TPGS2: variants seen among roughly 807,000 people sequenced by gnomAD.
TPGS2 encodes polyglutamylase subunit 2.
In TPGS2, 26 loss-of-function variants were observed where a neutral mutation model predicts 31.1. The observed-to-expected ratio is 0.84, with a 90% CI of 0.61 to 1.16. The LOEUF is 1.16. TPGS2 is among the 50% of genes most tolerant of loss of function. The probability of loss-of-function intolerance (pLI) is 0.00; values close to 1 mark genes in which losing one functional copy is unlikely to be tolerated. For missense variants in TPGS2, 351 were observed against 363.8 expected (o/e 0.96, Z 0.29); for synonymous variants, 130 against 136.6 (o/e 0.95, Z 0.34).
chr18:36,810,130 C>T (rs2045352660), intron 2 of TPGS2, among the ~76,000 whole-genome samples: 1 of 152,194 alleles, frequency 6.6e-6, no homozygotes, highest in African/African-American at 2.4e-5. Flanking sequence ...GCGGCCCTGA[C>T]TCTGCTGCTT....
intron 1 of TPGS2, chr18:36,823,826 T>C: frequency 6.1e-6 from 6 of 985,346 alleles, no homozygotes; most frequent in Non-Finnish European, 7.2e-6. Context: ...CTTTTGCCAT[T>C]TAATGTAACA....
intron 4 of TPGS2, among the ~76,000 whole-genome samples, chr18:36,804,722 C>T (rs2045023084): frequency 6.6e-6 from 1 of 152,216 alleles, no homozygotes; most frequent in Non-Finnish European, 1.5e-5. Flanking sequence ...TACTGCACAA[C>T]TAAAAGTATT....
At position 36,822,715 on chromosome 18, in the gene TPGS2, C is replaced by T. The variant is rs2045948465; in HGVS notation, c.86-3742G>A. On this transcript the variant is annotated intron_variant, in intron 1 of 6. Transcript: ENST00000334295. Reference sequence around the variant, plus strand: ...GCTCAAGTGATCCTCCCATCTTAGCCTCCCAAGTAGCTGGGACTACAGGTG... The same window carrying T: ...GCTCAAGTGATCCTCCCATCTTAGCTTCCCAAGTAGCTGGGACTACAGGTG... Among the ~76,000 whole-genome samples the T allele has an allele frequency of 1.3e-5, 2 of 152,132 alleles. 1 individual carries two copies. Among genetic ancestry groups the T allele is most frequent in the South Asian group, 4.1e-4 (2 of 4,826 alleles).
chr18:36,828,154 G>A lies in TPGS2; in HGVS notation c.85+529C>T, dbSNP rs1372129717. ...TTGCACTCCAGCCTGGGCAACAAGA[G>A]CAAAACTCTGTCTCAAAATACAAAC... On this transcript the variant is annotated intron_variant, in intron 1 of 6. Transcript: ENST00000334295. Among the ~76,000 whole-genome samples the A allele has an allele frequency of 3.3e-5, 5 of 152,142 alleles. No homozygotes were observed. The East Asian group carries it at 9.6e-4, about 29-fold the overall frequency.
intron 6 of TPGS2, among the ~76,000 whole-genome samples, chr18:36,797,525 T>G (rs2044591072): frequency 6.6e-6 from 1 of 151,434 alleles, no homozygotes; most frequent in Admixed American, 6.6e-5. Flanking sequence ...CTGTTTTTTT[T>G]TTTTGGCAGC....
At chr18:36,821,902 A>G (rs2045910687) in intron 1 of TPGS2, among the ~76,000 whole-genome samples, 1 of 152,172 alleles carries the variant, frequency 6.6e-6, no homozygotes, top group Non-Finnish European at 1.5e-5. Flanking sequence ...CTCATTTCCT[A>G]CATTCCAGTG....
intron 1 of TPGS2, among the ~76,000 whole-genome samples, chr18:36,823,586 G>A (rs1474708691): frequency 6.8e-6 from 1 of 148,026 alleles, no homozygotes; most frequent in African/African-American, 2.5e-5. Flanking sequence ...TCAGCCTCCC[G>A]AGTAGCTGGG....
chr18:36,796,554 C>T lies in TPGS2; in HGVS notation c.*251G>A. 1 of 1,296,970 alleles carries T rather than the reference C, an allele frequency of 7.7e-7. No homozygotes were observed. The highest frequency in any genetic ancestry group is 9.7e-7 in the Non-Finnish European group (1 of 1,027,948). 80.3% of individuals were successfully genotyped at this position (1,296,970 alleles called of 1,614,324 possible). On this transcript the variant is annotated 3_prime_UTR_variant, in exon 7 of 7. Coordinates refer to ENST00000334295, the MANE Select transcript of TPGS2 (RefSeq NM_015476.4). ...GAGTGTTGAAGAAGAGGAAAGCACTCAGACTTATTTGGGCACTTACACAAG... is the reference window on the plus strand; with the variant it reads ...GAGTGTTGAAGAAGAGGAAAGCACTTAGACTTATTTGGGCACTTACACAAG...
intron 2 of TPGS2, among the ~76,000 whole-genome samples, chr18:36,810,873 A>T (rs1728682561): frequency 6.6e-6 from 1 of 152,140 alleles, no homozygotes; most frequent in Admixed American, 6.5e-5. Flanking sequence ...ACTGGGCCTC[A>T]AGGGAAGGGC....
downstream of TPGS2, among the ~76,000 whole-genome samples, chr18:36,790,612 A>ATC (rs1187599431): frequency 6.6e-5 from 10 of 152,220 alleles, no homozygotes; most frequent in Non-Finnish European, 1.3e-4. Context: ...ATGCCAAGAC[A>ATC]TTGGAACATT....
At chr18:36,824,544 C>G (rs572765004) in intron 1 of TPGS2, among the ~76,000 whole-genome samples, 7 of 152,192 alleles carry the variant, frequency 4.6e-5, no homozygotes, top group African/African-American at 1.7e-4. Flanking sequence ...CTGTATCTGT[C>G]TTTTTGACTA....
rs1387762912 is a variant in TPGS2, at chr18:36,828,669, C to A, written c.85+14G>T. ...TCCTCCACACCCTCTCGGCACCGTG[C>A]CCCCTTTCCTCACCTAGGATGCGCG... On this transcript the variant is annotated intron_variant, in intron 1 of 6. Coordinates refer to ENST00000334295, the MANE Select transcript of TPGS2 (RefSeq NM_015476.4). 3.7e-6 allele frequency: 6 copies of A among 1,613,768 alleles called. No homozygotes were observed. The highest frequency in any genetic ancestry group is 1.3e-5 in the African/African-American group (1 of 74,934).
intron 4 of TPGS2, among the ~76,000 whole-genome samples, chr18:36,802,016 T>TTAGA (rs2150580446): frequency 6.6e-6 from 1 of 152,362 alleles, no homozygotes; most frequent in Admixed American, 6.5e-5. Flanking sequence ...CTGTGTAACT[T>TTAGA]TAGATAGCTT....
chr18:36,793,504 A>G (rs577766078), downstream of TPGS2, among the ~76,000 whole-genome samples: 1 of 152,346 alleles, frequency 6.6e-6, no homozygotes, highest in Admixed American at 6.5e-5. Flanking sequence ...TATGTCATTC[A>G]TGAAGGAGCC....
chr18:36,784,169 T>C (rs1465290230), intron 6 of TPGS2, among the ~76,000 whole-genome samples: 1 of 152,214 alleles, frequency 6.6e-6, no homozygotes, highest in Non-Finnish European at 1.5e-5. Flanking sequence ...AAAATAAATT[T>C]CTGTTGTTAT....
At chr18:36,820,159 C>T (rs1199577824) in intron 1 of TPGS2, among the ~76,000 whole-genome samples, 1 of 152,192 alleles carries the variant, frequency 6.6e-6, no homozygotes, top group African/African-American at 2.4e-5. Context: ...CTAGACTCTA[C>T]CTATTCTAGT....
downstream of TPGS2, chr18:36,789,921 T>C (rs2044249907): frequency 1.3e-5 from 2 of 154,010 alleles, no homozygotes; most frequent in Non-Finnish European, 2.9e-5. Context: ...CGTGAAACTG[T>C]AAGTCCATTA....
chr18:36,792,507 G>A (rs1161850060), downstream of TPGS2, among the ~76,000 whole-genome samples: 1 of 152,108 alleles, frequency 6.6e-6, no homozygotes, highest in Admixed American at 6.5e-5. Context: ...TGCTTTACTG[G>A]AATAAAAACA....
chr18:36,806,866 A>T (rs1233470095), intron 3 of TPGS2, among the ~76,000 whole-genome samples: 1 of 149,102 alleles, frequency 6.7e-6, no homozygotes, highest in African/African-American at 2.5e-5. Flanking sequence ...AAAAAAAAAA[A>T]AAAAAAAAAA....
Sources: gnomAD v4.1 joint callset for allele counts (sites outside exome capture counted in the v4.1 genomes callset) on GRCh38, gnomAD v4.1.1 for gene constraint, MANE v1.5 for transcripts, NCBI Gene and HGNC (gene_info 2026-07-23, HGNC 2026-07-21) for gene names.